Variants in RANBP2 observed in about 807,000 individuals in gnomAD.
The protein encoded by RANBP2 is RAN binding protein 2.
RANBP2 carries 57 observed loss-of-function variants against 303.6 expected under a neutral mutation model. The observed-to-expected ratio is 0.19, with a 90% CI of 0.15 to 0.23. The LOEUF (loss-of-function observed/expected upper bound fraction) is 0.23. RANBP2 is among the 10% of genes least tolerant of loss of function. The pLI, the probability that RANBP2 is intolerant of heterozygous loss-of-function variation, is 1.00. For missense variants in RANBP2, 3,138 were observed against 3,780.8 expected, an observed-to-expected ratio of 0.83 and a Z score of 4.46; for synonymous variants, 1,167 against 1,301.5, an observed-to-expected ratio of 0.90 and a Z score of 2.23.
At chr2:108,757,651 A>T (rs1676417482) in intron 17 of RANBP2, among the ~76,000 whole-genome samples, 1 of 152,218 alleles carries the variant, frequency 6.6e-6, no homozygotes, top group African/African-American at 2.4e-5. Context: ...GGTAACGCGG[A>T]ATGTCAGGTA....
chr2:109,381,934 T>G, the RANBP2 span, among the ~76,000 whole-genome samples: 1 of 152,074 alleles, frequency 6.6e-6, no homozygotes, highest in Non-Finnish European at 1.5e-5. Context: ...CATGTCACTT[T>G]AGGGTGGGGT....
the RANBP2 span, among the ~76,000 whole-genome samples, chr2:109,262,370 C>T: frequency 6.6e-6 from 1 of 152,168 alleles, no homozygotes; most frequent in East Asian, 1.9e-4. Flanking sequence ...GGCAGCCATG[C>T]TGATTGCAGG....
At chr2:109,423,339 G>A in the RANBP2 span, among the ~76,000 whole-genome samples, 1 of 152,122 alleles carries the variant, frequency 6.6e-6, no homozygotes, top group African/African-American at 2.4e-5. Context: ...GTCATGGCAG[G>A]GATGACCTCG....
At chr2:109,619,344 AG>A in the RANBP2 span, among the ~76,000 whole-genome samples, 808 of 152,022 alleles carry the variant, frequency 5.3e-3, 6 homozygotes, top group African/African-American at 0.018. Flanking sequence ...CCTAAAAAAA[AG>A]CTGTATGGGT....
the RANBP2 span, among the ~76,000 whole-genome samples, chr2:109,479,434 G>C: frequency 1.3e-5 from 2 of 152,196 alleles, no homozygotes; most frequent in African/African-American, 4.8e-5. Context: ...CTTGAGTTCA[G>C]TAGGAACATT....
At chr2:109,242,139 C>T in the RANBP2 span, among the ~76,000 whole-genome samples, 1 of 152,098 alleles carries the variant, frequency 6.6e-6, no homozygotes, top group Non-Finnish European at 1.5e-5. Flanking sequence ...TCATGGTGGG[C>T]TCCCTGAGGA....
At chr2:108,732,817 GT>G (rs1404894879) in intron 4 of RANBP2, among the ~76,000 whole-genome samples, 2 of 151,892 alleles carry the variant, frequency 1.3e-5, no homozygotes, top group Non-Finnish European at 2.9e-5. Flanking sequence ...AGTATGTGAC[GT>G]TTTTTTCTTT....
the RANBP2 span, among the ~76,000 whole-genome samples, chr2:109,542,031 G>A: frequency 6.9e-3 from 1,044 of 152,272 alleles, 12 homozygotes; most frequent in Non-Finnish European, 7.2e-3. Flanking sequence ...TTTAAAAGTC[G>A]GAGGGAGTAC....
rs774233028 is a variant in RANBP2 at position 108,764,154 on chromosome 2, T to C, written c.3615T>C (p.Asp1205=). 1.1e-5 allele frequency: 18 copies of C among 1,613,990 alleles called. No homozygotes were observed. In the Admixed American group the frequency reaches 1.8e-4, roughly 16 times the overall value. Residue 1205 remains aspartate (D), a synonymous_variant, in exon 20 of 29, where the codon GAT becomes GAC. Coordinates refer to ENST00000283195, the MANE Select transcript of RANBP2 (RefSeq NM_006267.5). Reference sequence around the variant, plus strand: ...ACCGCGCGAAATTGTTTCGTTTCGATGTAGAATCCAAAGAATGGAAAGAAC... The same window carrying C: ...ACCGCGCGAAATTGTTTCGTTTCGACGTAGAATCCAAAGAATGGAAAGAAC... The part of the protein sequence containing the change: ...FCNRAKLFRF[D]VESKEWKERG...
At chr2:108,735,840 C>T in intron 5 of RANBP2, 78 bp downstream of exon 5, 1 of 1,594,728 alleles carries the variant, frequency 6.3e-7, no homozygotes, top group Non-Finnish European at 8.5e-7. Flanking sequence ...GCAGCAGTGC[C>T]CCGCAGGACT....
the RANBP2 span, among the ~76,000 whole-genome samples, chr2:109,117,633 T>C: frequency 6.6e-6 from 1 of 152,230 alleles, no homozygotes; most frequent in Non-Finnish European, 1.5e-5. Flanking sequence ...CACGGTGCGC[T>C]GCACGCACTG....
At chr2:108,724,231 C>A (rs1558868766) in intron 1 of RANBP2, among the ~76,000 whole-genome samples, 1 of 152,092 alleles carries the variant, frequency 6.6e-6, no homozygotes, top group African/African-American at 2.4e-5. Flanking sequence ...GGCATGGTCT[C>A]AGCTCACTGC....
chr2:109,452,834 G>A, the RANBP2 span, among the ~76,000 whole-genome samples: 1 of 150,194 alleles, frequency 6.7e-6, no homozygotes, highest in Admixed American at 6.6e-5. Flanking sequence ...GCTGGTGCCA[G>A]GAGGCTGGTC....
At chr2:109,020,156 A>G in the RANBP2 span, among the ~76,000 whole-genome samples, 2 of 152,224 alleles carry the variant, frequency 1.3e-5, no homozygotes, top group Non-Finnish European at 2.9e-5. Context: ...GGGAGGCATG[A>G]CATGTTAGAA....
chr2:108,722,070 A>G (rs1277250244), intron 1 of RANBP2, among the ~76,000 whole-genome samples: 3 of 151,994 alleles, frequency 2.0e-5, no homozygotes, highest in Non-Finnish European at 4.4e-5. Context: ...TAAAAAAAAA[A>G]AAAAGCAAGC....
the RANBP2 span, among the ~76,000 whole-genome samples, chr2:109,255,422 T>C: frequency 1.3e-5 from 2 of 152,170 alleles, no homozygotes; most frequent in Non-Finnish European, 2.9e-5. Context: ...CAATGATCAG[T>C]ATGAAGGTCT....
chr2:109,173,566 G>A, the RANBP2 span, among the ~76,000 whole-genome samples: 1 of 152,130 alleles, frequency 6.6e-6, no homozygotes, highest in Non-Finnish European at 1.5e-5. Context: ...CAGCAGAGCT[G>A]GTGGCTGCGG....
the RANBP2 span, among the ~76,000 whole-genome samples, chr2:108,991,323 GAT>G: frequency 6.6e-6 from 1 of 152,216 alleles, no homozygotes; most frequent in South Asian, 2.1e-4. Context: ...GAGCTTTGAA[GAT>G]ATGTGATTTT....
the RANBP2 span, among the ~76,000 whole-genome samples, chr2:108,816,973 A>G: frequency 6.6e-6 from 1 of 152,194 alleles, no homozygotes; most frequent in East Asian, 1.9e-4. Context: ...TTGTCATTAC[A>G]GATGTGGGCC....
Sources: allele counts gnomAD v4.1 joint callset (sites outside exome capture counted in the v4.1 genomes callset), GRCh38; gene constraint gnomAD v4.1.1; transcripts MANE v1.5; gene names NCBI Gene and HGNC (gene_info 2026-07-23, HGNC 2026-07-21).